LRMDA: variants seen among roughly 807,000 people sequenced by gnomAD.
LRMDA encodes the protein leucine rich melanocyte differentiation associated, also known as leucine-rich melanocyte differentiation-associated protein.
In LRMDA, 18 loss-of-function variants were observed where a neutral mutation model predicts 29.8. That is an observed-to-expected ratio of 0.60 (90% CI 0.42 to 0.90). The LOEUF (loss-of-function observed/expected upper bound fraction) is 0.90. Ranked by LOEUF, LRMDA falls within the 40% of genes least tolerant of loss-of-function variation. LRMDA has a pLI of 0.00. For synonymous variants in LRMDA, 125 were observed against 109.4 expected (o/e 1.14, Z -0.89); for missense variants, 273 against 273.9 (o/e 1.00, Z 0.02).
chr10:76,133,867 G>T (rs1487619063), intron 5 of LRMDA, among the ~76,000 whole-genome samples: 1 of 152,092 alleles, frequency 6.6e-6, no homozygotes, highest in African/African-American at 2.4e-5. Flanking sequence ...GAGGATGGGG[G>T]TGAGGGAGGC....
chr10:76,142,281 G>A lies in LRMDA; in HGVS notation c.516+83498G>A, dbSNP rs188886351. Among the ~76,000 whole-genome samples the A allele has an allele frequency of 1.5e-3, 227 of 152,098 alleles. 2 individuals are homozygous for A. Among genetic ancestry groups the A allele is most frequent in the African/African-American group, 5.2e-3 (217 of 41,496 alleles). On this transcript the variant is annotated intron_variant, in intron 5 of 6. Coordinates refer to ENST00000611255, the MANE Select transcript of LRMDA (RefSeq NM_001305581.2). The stretch of plus-strand genomic sequence containing the variant: ...GTGTAACATTTATAATTATATGTGT[G>A]CATTTACATAGTCTTAAAAATGCAA...
At chr10:75,701,491 A>G (rs1319046634) in intron 2 of LRMDA, among the ~76,000 whole-genome samples, 13 of 152,226 alleles carry the variant, frequency 8.5e-5, no homozygotes. Flanking sequence ...GCAATAAGCT[A>G]CCTGGATTTG....
At chr10:75,862,436 C>T (rs992262618) in intron 2 of LRMDA, among the ~76,000 whole-genome samples, 4 of 152,262 alleles carry the variant, frequency 2.6e-5, no homozygotes, top group East Asian at 1.9e-4. Flanking sequence ...AGTCCCTTCC[C>T]ATTAGGTCCC....
rs527271496 is a variant in LRMDA at position 75,839,898 on chromosome 10, C to T, written c.132-196110C>T. 1.2e-4 allele frequency among the ~76,000 whole-genome samples: 18 copies of T among 151,950 alleles called. No individual in the cohort carries two copies. The South Asian group carries it at 2.9e-3, about 25-fold the overall frequency. On this transcript the variant is annotated intron_variant, in intron 2 of 6. Transcript: ENST00000611255. The stretch of plus-strand genomic sequence containing the variant: ...TAAGTTTTTGTATTTTTAGTAGAGA[C>T]GGGGTTTCACCGTATTATCCAGGAT...
chr10:75,800,694 T>C (rs905645899), intron 2 of LRMDA, among the ~76,000 whole-genome samples: 4 of 152,264 alleles, frequency 2.6e-5, no homozygotes, highest in African/African-American at 9.6e-5. Context: ...ATAACTTTTT[T>C]AAAGTTCTTG....
chr10:75,565,158 C>T (rs541467259), intron 2 of LRMDA, among the ~76,000 whole-genome samples: 1 of 152,314 alleles, frequency 6.6e-6, no homozygotes, highest in South Asian at 2.1e-4. Flanking sequence ...ATTCTCTATG[C>T]CGTCCTGACT....
At chr10:75,524,219 T>A (rs1205297307) in intron 2 of LRMDA, among the ~76,000 whole-genome samples, 4 of 152,068 alleles carry the variant, frequency 2.6e-5, no homozygotes, top group African/African-American at 9.7e-5. Flanking sequence ...TTGGAAGAGG[T>A]TGGTTGGTCT....
chr10:76,546,797 A>T (rs560677954), intron 6 of LRMDA, among the ~76,000 whole-genome samples: 4 of 152,300 alleles, frequency 2.6e-5, no homozygotes, highest in African/African-American at 9.6e-5. Context: ...GTTTTTTAAT[A>T]ATGATATGTT....
At chr10:75,983,170 G>GC (rs1171070804) in intron 2 of LRMDA, among the ~76,000 whole-genome samples, 4 of 152,178 alleles carry the variant, frequency 2.6e-5, no homozygotes, top group African/African-American at 4.8e-5. Context: ...TGGGCATCCA[G>GC]CCATCGAAGC....
chr10:76,189,723 G>GT (rs1851212650), intron 5 of LRMDA, among the ~76,000 whole-genome samples: 1 of 152,172 alleles, frequency 6.6e-6, no homozygotes, highest in Admixed American at 6.5e-5. Context: ...GTGTTCCTAT[G>GT]TGTTTGCTGT....
At chr10:76,505,082 C>G (rs1417628824) in intron 6 of LRMDA, among the ~76,000 whole-genome samples, 1 of 151,064 alleles carries the variant, frequency 6.6e-6, no homozygotes, top group African/African-American at 2.4e-5. Flanking sequence ...GAATATGAAA[C>G]TGTTGGTATG....
chr10:75,804,440 G>A (rs1399697313), intron 2 of LRMDA, among the ~76,000 whole-genome samples: 1 of 152,192 alleles, frequency 6.6e-6, no homozygotes, highest in African/African-American at 2.4e-5. Flanking sequence ...TAAAGCAAGC[G>A]CAGAGTGACT....
intron 2 of LRMDA, among the ~76,000 whole-genome samples, chr10:75,770,410 A>G (rs949212209): frequency 6.6e-6 from 1 of 152,252 alleles, no homozygotes; most frequent in African/African-American, 2.4e-5. Flanking sequence ...AGTGGTTACT[A>G]TGATACATTT....
At chr10:76,439,996 G>A (rs1842284432) in intron 6 of LRMDA, among the ~76,000 whole-genome samples, 1 of 152,154 alleles carries the variant, frequency 6.6e-6, no homozygotes, top group Non-Finnish European at 1.5e-5. Context: ...TGATTCCCAA[G>A]GTTGGGAGTA....
chr10:75,493,117 A>C (rs1845005931), intron 2 of LRMDA, among the ~76,000 whole-genome samples: 1 of 152,174 alleles, frequency 6.6e-6, no homozygotes, highest in Admixed American at 6.6e-5. Context: ...GTTTTTATGA[A>C]TTGTTATATT....
In LRMDA at chr10:76,071,906, C is replaced by T. The variant is rs554224556; in HGVS notation, c.516+13123C>T. ...ACATTTAATATGTGTACTTTGGAGG[C>T]CCATATGTCTTTAATAAAATAGCAT... On this transcript the variant is annotated intron_variant, in intron 5 of 6. Coordinates refer to ENST00000611255, the MANE Select transcript of LRMDA (RefSeq NM_001305581.2). 2.6e-5 allele frequency among the ~76,000 whole-genome samples: 4 copies of T among 152,182 alleles called. No individual in the cohort carries two copies. In the East Asian group the frequency reaches 7.7e-4, roughly 29 times the overall value.
intron 5 of LRMDA, among the ~76,000 whole-genome samples, chr10:76,146,097 T>A (rs892705105): frequency 3.7e-4 from 56 of 151,700 alleles, no homozygotes; most frequent in African/African-American, 1.3e-3. Flanking sequence ...TGCTGAGGAG[T>A]GCTTTACTTC....
chr10:76,096,844 G>A (rs1849318929), intron 5 of LRMDA, among the ~76,000 whole-genome samples: 1 of 151,960 alleles, frequency 6.6e-6, no homozygotes, highest in Admixed American at 6.6e-5. Context: ...AATATTGTAT[G>A]TGCTTTGTGC....
intron 6 of LRMDA, among the ~76,000 whole-genome samples, chr10:76,511,976 C>T (rs895119055): frequency 5.9e-5 from 9 of 152,016 alleles, no homozygotes; most frequent in African/African-American, 2.2e-4. Flanking sequence ...GTTCTGTGTC[C>T]CCACACAGGT....
Sources: gnomAD v4.1 joint callset for allele counts (sites outside exome capture counted in the v4.1 genomes callset) on GRCh38, gnomAD v4.1.1 for gene constraint, MANE v1.5 for transcripts, NCBI Gene and HGNC (gene_info 2026-07-23, HGNC 2026-07-21) for gene names.